Variants in PRPF6 observed in about 807,000 individuals in gnomAD.
The protein encoded by PRPF6 is pre-mRNA-processing factor 6.
In PRPF6, 42 loss-of-function variants were observed where a neutral mutation model predicts 118.3. That is an observed-to-expected ratio of 0.35 (90% CI 0.28 to 0.46). The LOEUF is 0.46. Ranked by LOEUF, PRPF6 falls within the 20% of genes least tolerant of loss-of-function variation. PRPF6 has a pLI of 1.00. For synonymous variants in PRPF6, 481 were observed against 485.1 expected, an observed-to-expected ratio of 0.99 and a Z score of 0.11; for missense variants, 662 against 1,255.7, an observed-to-expected ratio of 0.53 and a Z score of 7.15.
At chr20:64,017,635 G>A (rs910221788) in intron 12 of PRPF6, among the ~76,000 whole-genome samples, 3 of 152,152 alleles carry the variant, frequency 2.0e-5, no homozygotes, top group Admixed American at 6.5e-5. Context: ...CGCCGCGCCC[G>A]GCCTCCCAGA....
chr20:63,988,884 A>G (rs2059106588), intron 3 of PRPF6, among the ~76,000 whole-genome samples: 1 of 152,174 alleles, frequency 6.6e-6, no homozygotes. Context: ...AAAAAAAAGA[A>G]AAAGAAAAAA....
chr20:64,000,352 C>T (rs1461998253), intron 8 of PRPF6, among the ~76,000 whole-genome samples: 1 of 149,848 alleles, frequency 6.7e-6, no homozygotes, highest in Admixed American at 6.7e-5. Context: ...AGCCAGGCGT[C>T]GTGACAGGTG....
chr20:63,987,135 AC>A (rs2059097646), intron 3 of PRPF6, among the ~76,000 whole-genome samples: 2 of 127,440 alleles, frequency 1.6e-5, no homozygotes, highest in Admixed American at 2.0e-4. Context: ...ATACCACCAC[AC>A]TTCAGCCTGG....
rs2059305771 is a variant in PRPF6, at chr20:64,029,574, A to G, written c.2546+83A>G. 8.2e-7 allele frequency: 1 copy of G among 1,216,798 alleles called. No homozygotes were observed. Among genetic ancestry groups the G allele is most frequent in the African/African-American group, 1.5e-5 (1 of 67,056 alleles). The allele number at this position is 1,216,798 out of a possible 1,614,324, so 75.4% of individuals were successfully genotyped here. ...AGAGTCTGTCTGCCTCTTCCTGGTC[A>G]TTGTAAAGATGCCCGGCAGCAGGGT... On this transcript the variant is annotated intron_variant, in intron 19 of 20. Transcript: ENST00000266079. The surrounding 1 kb of genome is among the most constrained non-coding windows in gnomAD (Gnocchi z 4.8).
intron 8 of PRPF6, among the ~76,000 whole-genome samples, chr20:64,000,628 G>A (rs1254738256): frequency 2.0e-5 from 3 of 151,214 alleles, no homozygotes; most frequent in African/African-American, 2.4e-5. Flanking sequence ...AAGTACAGTG[G>A]CGTGATCTCA....
intron 3 of PRPF6, among the ~76,000 whole-genome samples, chr20:63,985,403 A>G (rs1452710360): frequency 1.3e-5 from 2 of 152,120 alleles, no homozygotes; most frequent in African/African-American, 4.8e-5. Context: ...AAAAGTTGCA[A>G]TAGAGTATGT....
intron 6 of PRPF6, among the ~76,000 whole-genome samples, chr20:63,998,800 C>T (rs2059152844): frequency 6.7e-6 from 1 of 148,426 alleles, no homozygotes; most frequent in Non-Finnish European, 1.5e-5. Flanking sequence ...CGAGATTGCA[C>T]AACTGCACTC....
intron 4 of PRPF6, 111 bp from the exon 5 acceptor site, chr20:63,994,805 C>A: frequency 7.2e-7 from 1 of 1,382,858 alleles, no homozygotes; most frequent in Non-Finnish European, 1.0e-6. Flanking sequence ...CATCCAAATC[C>A]CTTCTAAAGC....
At chr20:64,017,940 C>T (rs939436276) in intron 12 of PRPF6, among the ~76,000 whole-genome samples, 4 of 152,204 alleles carry the variant, frequency 2.6e-5, no homozygotes, top group East Asian at 1.9e-4. Flanking sequence ...ATGGGGCTGA[C>T]GCCTGTAATT....
At chr20:64,008,514 C>T (rs1044139454) in intron 9 of PRPF6, among the ~76,000 whole-genome samples, 1 of 152,142 alleles carries the variant, frequency 6.6e-6, no homozygotes, top group African/African-American at 2.4e-5. Flanking sequence ...CCCCAGTGTC[C>T]TTCATGGAGT....
At chr20:64,001,644 C>G (rs772638956) in intron 9 of PRPF6, among the ~76,000 whole-genome samples, 9 of 152,336 alleles carry the variant, frequency 5.9e-5, no homozygotes, top group Admixed American at 1.3e-4. Flanking sequence ...GGGTGTTACT[C>G]ATTTTCTCTC....
Position 64,011,362 on chromosome 20 carries a change from T to C in PRPF6, c.1383T>C (p.Pro461=). 2 of 1,614,184 alleles carry C rather than the reference T, an allele frequency of 1.2e-6. No individual in the cohort carries two copies. Among genetic ancestry groups the C allele is most frequent in the East Asian group, 2.2e-5 (1 of 44,884 alleles). Residue 461 remains proline, a synonymous_variant, in exon 11 of 21, where the codon CCT becomes CCC. Transcript: ENST00000266079. The surrounding 1 kb of genome is among the most constrained non-coding windows in gnomAD (Gnocchi z 6.7). ...KVLNKARENI[P]TDRHIWITAA... is the part of the protein sequence containing the mutation. ...TGAACAAGGCGCGGGAGAACATTCC[T>C]ACAGACCGACATATCTGGATCACGG...
At chr20:64,023,180 G>A (rs553459226) in intron 13 of PRPF6, among the ~76,000 whole-genome samples, 110 of 152,374 alleles carry the variant, frequency 7.2e-4, no homozygotes, top group African/African-American at 2.5e-3. Flanking sequence ...TGAGGCTGGA[G>A]CCCGCGTGGC....
In PRPF6 at chr20:63,998,170, C is replaced by T. The variant is rs201650022; in HGVS notation, c.772-875C>T. On this transcript the variant is annotated intron_variant, in intron 6 of 20. Transcript: ENST00000266079. Reference sequence around the variant, plus strand: ...AGGGCAGTGGCGTGATCTCGGCTCACTGCAGCCTCTGCTTCCCAGGTTCAT... The same window carrying T: ...AGGGCAGTGGCGTGATCTCGGCTCATTGCAGCCTCTGCTTCCCAGGTTCAT... Among the ~76,000 whole-genome samples, 121 of 152,146 alleles carry T rather than the reference C, an allele frequency of 8.0e-4. No individual in the cohort carries two copies. The East Asian group carries it at 0.019, about 24-fold the overall frequency.
intron 1 of PRPF6, among the ~76,000 whole-genome samples, chr20:63,981,625 C>T (rs1462138215): frequency 1.3e-5 from 2 of 151,776 alleles, no homozygotes; most frequent in African/African-American, 4.8e-5. Context: ...GACCACCTTC[C>T]TCAGGTCGGG....
intron 9 of PRPF6, among the ~76,000 whole-genome samples, chr20:64,002,946 ATTT>A (rs1226018197): frequency 7.7e-6 from 1 of 129,806 alleles, no homozygotes; most frequent in Admixed American, 7.8e-5. Flanking sequence ...GCCCGGCCAG[ATTT>A]TTTTTTTTTT....
At chr20:64,007,240 G>T (rs1183889224) in intron 9 of PRPF6, among the ~76,000 whole-genome samples, 1 of 152,200 alleles carries the variant, frequency 6.6e-6, no homozygotes, top group East Asian at 1.9e-4. Context: ...TGGGCAGCAG[G>T]TTGCTCAGTC....
At chr20:64,019,220 C>T (rs1277821770) in intron 12 of PRPF6, among the ~76,000 whole-genome samples, 2 of 151,494 alleles carry the variant, frequency 1.3e-5, no homozygotes, top group African/African-American at 4.9e-5. Context: ...AATTCTCCTG[C>T]CTCAGCCTCC....
intron 12 of PRPF6, among the ~76,000 whole-genome samples, 174 bp downstream of exon 12, chr20:64,017,019 TAC>T (rs1322484381): frequency 2.3e-4 from 35 of 152,170 alleles, no homozygotes; most frequent in African/African-American, 7.9e-4. Context: ...CTCAGCTCAC[TAC>T]AACCTCCACC....
Sources: gnomAD v4.1 joint callset for allele counts (sites outside exome capture counted in the v4.1 genomes callset) on GRCh38, gnomAD v4.1.1 for gene constraint, Gnocchi (gnomAD v3.1) non-coding constraint, MANE v1.5 for transcripts, NCBI Gene and HGNC (gene_info 2026-07-23, HGNC 2026-07-21) for gene names.